The following GABRB1 variants were observed in gnomAD, a reference collection of about 807,000 sequenced individuals.
GABRB1 encodes the protein gamma-aminobutyric acid type A receptor subunit beta1.
In GABRB1, 17 loss-of-function variants were observed where a neutral mutation model predicts 51.6. The observed-to-expected ratio is 0.33, with a 90% CI of 0.23 to 0.49. The LOEUF (loss-of-function observed/expected upper bound fraction) is 0.49. GABRB1 is among the 20% of genes least tolerant of loss of function. The pLI is 0.99. For synonymous variants in GABRB1, 247 were observed against 218.9 expected (o/e 1.13, Z -1.14); for missense variants, 410 against 600.6 (o/e 0.68, Z 3.32).
chr4:47,367,998 C>T (rs1271011414), intron 5 of GABRB1, among the ~76,000 whole-genome samples: 3 of 152,150 alleles, frequency 2.0e-5, no homozygotes, highest in Non-Finnish European at 4.4e-5. Flanking sequence ...GCAACAGTAA[C>T]GGACTTTCCA....
In GABRB1 at chr4:47,273,864, T is replaced by TACAC. The variant is rs5858061; in HGVS notation, c.462-46229_462-46226dup. 8.2e-3 allele frequency among the ~76,000 whole-genome samples: 1,009 copies of TACAC among 122,386 alleles called. 11 individuals are homozygous for TACAC. The highest frequency in any genetic ancestry group is 0.027 in the African/African-American group (960 of 35,988). 80.3% of individuals were successfully genotyped at this position (122,386 alleles called of 152,430 possible). A position where few individuals can be genotyped will look rare whatever the true frequency, so the allele number is the denominator to read the frequency against. ...TGTTTGAAAGTAAACCATATATACA[T>TACAC]ACACACACACACACACACACACACA... On this transcript the variant is annotated intron_variant, in intron 4 of 8. Transcript: ENST00000295454.
In GABRB1 at chr4:47,008,469, T is replaced by C. The variant is rs556279206; in HGVS notation, c.-20+14543T>C. ...GGAAAAAATAAAATATTTTACTTTT[T>C]TTTTTTTTCTTGAGATGGAGTCTCA... On this transcript the variant is annotated intron_variant, in intron 1 of 3. Transcript: ENST00000513567. 3.0e-4 allele frequency among the ~76,000 whole-genome samples: 46 copies of C among 151,782 alleles called. 1 individual carries two copies. Among genetic ancestry groups the C allele is most frequent in the South Asian group, 2.9e-3 (14 of 4,794 alleles).
intron 5 of GABRB1, among the ~76,000 whole-genome samples, chr4:47,402,386 A>T (rs112699870): frequency 0.011 from 1,709 of 152,326 alleles, 36 homozygotes; most frequent in African/African-American, 0.039. Context: ...TTTGAGGTGA[A>T]CCTAAATAGA....
At chr4:47,015,849 C>T (rs1446644818) in intron 1 of GABRB1, among the ~76,000 whole-genome samples, 6 of 152,154 alleles carry the variant, frequency 3.9e-5, no homozygotes, top group African/African-American at 1.4e-4. Context: ...TGAGATCCTA[C>T]AGCATACCAG....
At chr4:47,032,185 A>G (rs954432883) in intron 2 of GABRB1, among the ~76,000 whole-genome samples, 180 bp downstream of exon 2, 1 of 148,870 alleles carries the variant, frequency 6.7e-6, no homozygotes, top group Admixed American at 6.7e-5. Context: ...TCTCAGGTGG[A>G]TGAATCCTCA....
chr4:47,379,318 AT>A (rs1162625233), intron 5 of GABRB1, among the ~76,000 whole-genome samples: 4 of 152,210 alleles, frequency 2.6e-5, no homozygotes, highest in Non-Finnish European at 5.9e-5. Context: ...AGGGATACTC[AT>A]CTAGTAGAAA....
At chr4:47,280,258 C>T (rs1723231233) in intron 4 of GABRB1, among the ~76,000 whole-genome samples, 1 of 151,836 alleles carries the variant, frequency 6.6e-6, no homozygotes, top group Non-Finnish European at 1.5e-5. Context: ...ACTTTGGTCA[C>T]TTGCACAAAC....
At chr4:47,386,151 G>T (rs1354469581) in intron 5 of GABRB1, among the ~76,000 whole-genome samples, 2 of 152,112 alleles carry the variant, frequency 1.3e-5, no homozygotes, top group Non-Finnish European at 2.9e-5. Flanking sequence ...AAAGTTTCAG[G>T]CTTCTAATCT....
chr4:47,390,943 C>T (rs1024336051), intron 5 of GABRB1, among the ~76,000 whole-genome samples: 9 of 151,916 alleles, frequency 5.9e-5, no homozygotes, highest in Non-Finnish European at 1.2e-4. Context: ...TTTGGGAGGC[C>T]GAGGGGGACG....
At chr4:47,211,310 A>C (rs1014739073) in intron 4 of GABRB1, among the ~76,000 whole-genome samples, 2 of 152,176 alleles carry the variant, frequency 1.3e-5, no homozygotes, top group African/African-American at 4.8e-5. Context: ...TTCAACTAAG[A>C]GATCTTTACA....
chr4:47,161,441 C>A lies in GABRB1; in HGVS notation c.433C>A (p.Pro145Thr). 1 of 1,612,128 alleles carries A rather than the reference C, an allele frequency of 6.2e-7. No individual in the cohort carries two copies. Among genetic ancestry groups the A allele is most frequent in the Non-Finnish European group, 8.5e-7 (1 of 1,178,802 alleles). ...GAAAAATCGAATGATTCGACTGCAT[C>A]CTGATGGAACAGTTCTCTATGGACT... Reference protein sequence around the residue: ...TVKNRMIRLHPDGTVLYGLRI... With the variant: ...TVKNRMIRLHTDGTVLYGLRI... The change falls in exon 4 of 9, where the codon CCT becomes ACT. Residue 145 changes from proline to threonine, a missense_variant. By Grantham distance (38) the Pro-to-Thr change is conservative. Around this residue, in one of 5 missense-constraint regions of GABRB1, gnomAD observed 100 missense variants for 184.3 expected, o/e 0.54. Transcript: ENST00000295454.
intron 4 of GABRB1, among the ~76,000 whole-genome samples, chr4:47,317,855 T>C (rs1009334253): frequency 6.6e-6 from 1 of 151,864 alleles, no homozygotes; most frequent in Non-Finnish European, 1.5e-5. Flanking sequence ...GATATATATA[T>C]ATATTCACAT....
At chr4:47,182,819 C>CTT (rs1333564101) in intron 4 of GABRB1, among the ~76,000 whole-genome samples, 1 of 151,898 alleles carries the variant, frequency 6.6e-6, no homozygotes, top group Non-Finnish European at 1.5e-5. Context: ...AGAGAAAACT[C>CTT]TAACAGTTCA....
At chr4:47,417,967 A>C (rs1471943040) in intron 8 of GABRB1, among the ~76,000 whole-genome samples, 1 of 152,238 alleles carries the variant, frequency 6.6e-6, no homozygotes, top group African/African-American at 2.4e-5. Context: ...TAAGGCACTC[A>C]TTGAGAATGT....
At chr4:47,153,698 T>C (rs1379242559) in intron 3 of GABRB1, among the ~76,000 whole-genome samples, 2 of 152,172 alleles carry the variant, frequency 1.3e-5, no homozygotes, top group African/African-American at 2.4e-5. Context: ...TCTTAGATGA[T>C]TATCATTCAG....
intron 5 of GABRB1, among the ~76,000 whole-genome samples, chr4:47,328,917 TAA>T (rs112133227): frequency 2.5e-4 from 34 of 138,582 alleles, no homozygotes; most frequent in African/African-American, 6.4e-4. Flanking sequence ...TAAAGTATAA[TAA>T]AAAAAAAAAA....
At chr4:47,379,984 C>T (rs1727536591) in intron 5 of GABRB1, among the ~76,000 whole-genome samples, 1 of 152,116 alleles carries the variant, frequency 6.6e-6, no homozygotes, top group Non-Finnish European at 1.5e-5. Context: ...GTAAAAGGCC[C>T]AGTTCTATAC....
At chr4:47,264,240 C>T (rs1722561624) in intron 4 of GABRB1, among the ~76,000 whole-genome samples, 3 of 152,160 alleles carry the variant, frequency 2.0e-5, no homozygotes, top group South Asian at 2.1e-4. Context: ...GACTTAAACC[C>T]GTATTTTTTC....
At chr4:47,409,047 C>T (rs1400968780) in intron 8 of GABRB1, among the ~76,000 whole-genome samples, 1 of 152,164 alleles carries the variant, frequency 6.6e-6, no homozygotes, top group African/African-American at 2.4e-5. Context: ...CTGATACGCT[C>T]ATCTGTTGGG....
Sources: allele counts gnomAD v4.1 joint callset (sites outside exome capture counted in the v4.1 genomes callset), GRCh38; gene constraint gnomAD v4.1.1; regional missense constraint gnomAD v4.1.1; transcripts MANE v1.5; gene names NCBI Gene and HGNC (gene_info 2026-07-23, HGNC 2026-07-21).